The following AGPAT5 variants were observed in gnomAD, a reference collection of about 807,000 sequenced individuals.
AGPAT5 encodes the protein 1-acyl-sn-glycerol-3-phosphate acyltransferase epsilon.
AGPAT5 carries 46 observed loss-of-function variants against 45.6 expected under a neutral mutation model. The observed-to-expected ratio is 1.01, with a 90% CI of 0.80 to 1.29. The LOEUF (loss-of-function observed/expected upper bound fraction) is 1.29. AGPAT5 is among the 50% of genes most tolerant of loss of function. AGPAT5 has a pLI of 0.00. For synonymous variants in AGPAT5, 272 were observed against 167.0 expected (o/e 1.63, Z -4.85); for missense variants, 673 against 450.7 (o/e 1.49, Z -4.47).
At chr8:6,734,983 A>G (rs565563693) in intron 4 of AGPAT5, among the ~76,000 whole-genome samples, 19 of 151,956 alleles carry the variant, frequency 1.3e-4, no homozygotes, top group Non-Finnish European at 2.6e-4. Context: ...TTTCCCCACT[A>G]TACTTCTTGG....
rs558777110 is a variant in AGPAT5 at position 6,716,627 on chromosome 8, A to G, written c.219+7740A>G. On this transcript the variant is annotated intron_variant, in intron 1 of 7. Coordinates refer to ENST00000285518, the MANE Select transcript of AGPAT5 (RefSeq NM_018361.5). ...AGGCAATGGATCACCTGAGGTCGGG[A>G]GTTCGAGATCAGCCTGACCAACATG... Among the ~76,000 whole-genome samples, 3 of 152,198 alleles carry G rather than the reference A, an allele frequency of 2.0e-5. No homozygotes were observed. In the South Asian group the frequency reaches 6.2e-4, roughly 32 times the overall value.
At chr8:6,750,890 A>G (rs547978204) in intron 6 of AGPAT5, among the ~76,000 whole-genome samples, 2 of 152,356 alleles carry the variant, frequency 1.3e-5, no homozygotes, top group South Asian at 2.1e-4. Flanking sequence ...CAGATGTACA[A>G]ATGCATTCAC....
chr8:6,754,536 A>C lies in AGPAT5; in HGVS notation c.746-515A>C, dbSNP rs561998040. ...AGTTGAGGATTATCAGGCGCCTGTG[A>C]GTGCCCAGCTGTGTGCCAGGTCAGG... On this transcript the variant is annotated intron_variant, in intron 6 of 7. Transcript: ENST00000285518. Among the ~76,000 whole-genome samples the C allele has an allele frequency of 1.1e-4, 17 of 152,260 alleles. No homozygotes were observed. The East Asian group carries it at 3.3e-3, about 29-fold the overall frequency.
chr8:6,726,212 T>G, intron 2 of AGPAT5, among the ~76,000 whole-genome samples: 1 of 152,252 alleles, frequency 6.6e-6, no homozygotes, highest in South Asian at 2.1e-4. Context: ...TTACTTCTAA[T>G]ACCATTCTGC....
Position 6,708,684 on chromosome 8 carries a change from G to A in AGPAT5, c.16G>A (p.Val6Met), listed in dbSNP as rs1227154881. 1 of 1,599,732 alleles carries A rather than the reference G, an allele frequency of 6.3e-7. No individual in the cohort carries two copies. The highest frequency in any genetic ancestry group is 8.5e-7 in the Non-Finnish European group (1 of 1,178,168). ...AGCTGAGAAGATGCTGCTGTCCCTG[G>A]TGCTCCACACGTACTCCATGCGCTA... MLLSL[V>M]LHTYSMRYLL... The change falls in exon 1 of 8, where the codon GTG (valine) becomes ATG (methionine). Residue 6 changes from valine to methionine, a missense_variant. Val to Met is a conservative substitution (Grantham distance 21). Coordinates refer to ENST00000285518, the MANE Select transcript of AGPAT5 (RefSeq NM_018361.5).
At chr8:6,741,227 A>T (rs1343863130) in intron 4 of AGPAT5, among the ~76,000 whole-genome samples, 3 of 152,074 alleles carry the variant, frequency 2.0e-5, no homozygotes, top group Non-Finnish European at 4.4e-5. Context: ...TTACTATATG[A>T]TTTTCATCAA....
Position 6,755,078 on chromosome 8 carries a change from T to A in AGPAT5, c.773T>A (p.Ile258Asn). Residue 258 changes from isoleucine to asparagine, a missense_variant, in exon 7 of 8, where the codon ATT (isoleucine) becomes AAT (asparagine). By Grantham distance (149) the Ile-to-Asn change is moderately radical (BLOSUM62 -3). Transcript: ENST00000285518. ...TTTCTCTGCAAAGAATGTCCAAAAATTCATATTCACATTGATCGTATCGAC... is the reference window on the plus strand; with the variant it reads ...TTTCTCTGCAAAGAATGTCCAAAAAATCATATTCACATTGATCGTATCGAC... ...TEFLCKECPK[I>N]HIHIDRIDKK... 1.3e-6 allele frequency: 2 copies of A among 1,596,342 alleles called. No individual in the cohort carries two copies. The highest frequency in any genetic ancestry group is 1.7e-6 in the Non-Finnish European group (2 of 1,174,878).
intron 3 of AGPAT5, among the ~76,000 whole-genome samples, chr8:6,731,079 A>G (rs193114927): frequency 5.9e-5 from 9 of 152,160 alleles, no homozygotes; most frequent in Non-Finnish European, 8.8e-5. Flanking sequence ...TGTGTTGCCC[A>G]GGCTGGTCTT....
At chr8:6,727,705 G>A (rs1040853454) in intron 2 of AGPAT5, among the ~76,000 whole-genome samples, 1 of 152,162 alleles carries the variant, frequency 6.6e-6, no homozygotes, top group Non-Finnish European at 1.5e-5. Flanking sequence ...TTAATCTCAT[G>A]AAATGTTCTC....
chr8:6,709,134 C>G (rs898854845), intron 1 of AGPAT5: 1 of 576,186 alleles, frequency 1.7e-6, no homozygotes, highest in Non-Finnish European at 3.1e-6. Context: ...TTCCCCGCCC[C>G]TCGCCTGGGT....
chr8:6,739,480 G>A (rs528955352), intron 4 of AGPAT5, among the ~76,000 whole-genome samples: 24 of 152,014 alleles, frequency 1.6e-4, no homozygotes, highest in Non-Finnish European at 2.8e-4. Flanking sequence ...GTAGTTTAAT[G>A]TACAGATTTG....
chr8:6,748,771 G>A (rs10093190), intron 6 of AGPAT5, among the ~76,000 whole-genome samples: 3,574 of 152,162 alleles, frequency 0.023, 140 homozygotes, highest in African/African-American at 0.082. Context: ...TCCCAAATGA[G>A]CTTTGTGTTT....
In AGPAT5 at chr8:6,747,813, T is replaced by A. The variant is rs1801527315; in HGVS notation, c.730T>A (p.Ser244Thr). ...AGACGATGGAGGGCAGCGAAGAGAG[T>A]CACCGACCATGACGGGTAAGTGTGT... is the stretch of plus-strand genomic sequence containing the variant. Reference protein sequence around the residue: ...GKDDGGQRRESPTMTEFLCKE... With the variant: ...GKDDGGQRRETPTMTEFLCKE... The change falls in exon 6 of 8, where the codon TCA (serine) becomes ACA (threonine). Residue 244 changes from serine (S) to threonine (T), a missense_variant. Physicochemically the swap from Ser to Thr is moderately conservative, Grantham distance 58 (BLOSUM62 1). Transcript: ENST00000285518. 6.2e-7 allele frequency: 1 copy of A among 1,613,918 alleles called. No homozygotes were observed. The highest frequency in any genetic ancestry group is 8.5e-7 in the Non-Finnish European group (1 of 1,179,996).
rs2116981361 is a variant in AGPAT5 at position 6,760,264 on chromosome 8, A to G, written c.*2876A>G. ...AAAAATTAGCCAGGCATGGTGGCGT[A>G]CACTGAGTAGTTTGTCCCAGCTACT... is the stretch of plus-strand genomic sequence containing the variant. On this transcript the variant is annotated 3_prime_UTR_variant, in exon 8 of 8. Coordinates refer to ENST00000285518, the MANE Select transcript of AGPAT5 (RefSeq NM_018361.5). Among the ~76,000 whole-genome samples the G allele has an allele frequency of 6.6e-6, 1 of 152,256 alleles. No homozygotes were observed. Among genetic ancestry groups the G allele is most frequent in the South Asian group, 2.1e-4 (1 of 4,816 alleles).
intron 4 of AGPAT5, among the ~76,000 whole-genome samples, chr8:6,736,169 A>G (rs977360784): frequency 1.4e-4 from 21 of 152,144 alleles, no homozygotes; most frequent in Non-Finnish European, 2.9e-5. Flanking sequence ...TCTAGCTTTA[A>G]CATCTAATGT....
At chr8:6,715,004 A>G (rs1006914673) in intron 1 of AGPAT5, among the ~76,000 whole-genome samples, 7 of 152,308 alleles carry the variant, frequency 4.6e-5, no homozygotes, top group African/African-American at 1.4e-4. Flanking sequence ...ACCATTCAAT[A>G]GTAAGTAATG....
chr8:6,754,620 T>A (rs6988650), intron 6 of AGPAT5, among the ~76,000 whole-genome samples: 4,272 of 152,004 alleles, frequency 0.028, 129 homozygotes, highest in African/African-American at 0.071. Flanking sequence ...CGCAGTCTGG[T>A]GGGGAGGCAG....
chr8:6,754,696 T>G (rs568330938), intron 6 of AGPAT5, among the ~76,000 whole-genome samples: 1 of 152,250 alleles, frequency 6.6e-6, no homozygotes, highest in East Asian at 1.9e-4. Context: ...TGCGGGTCCC[T>G]TCAGAGAGGT....
intron 5 of AGPAT5, among the ~76,000 whole-genome samples, chr8:6,742,749 G>A (rs916897094): frequency 6.6e-5 from 10 of 152,132 alleles, no homozygotes; most frequent in African/African-American, 2.4e-4. Context: ...TATGTCATAG[G>A]TATATGACAT....
Sources: gnomAD v4.1 joint callset for allele counts (sites outside exome capture counted in the v4.1 genomes callset) on GRCh38, gnomAD v4.1.1 for gene constraint, MANE v1.5 for transcripts, NCBI Gene and HGNC (gene_info 2026-07-23, HGNC 2026-07-21) for gene names.